The following LZTS1 variants were observed in gnomAD, a reference collection of about 807,000 sequenced individuals.
LZTS1 encodes leucine zipper tumor suppressor 1.
Under a neutral mutation model 45.8 loss-of-function variants are expected in LZTS1, and 31 were observed. The ratio of observed to expected loss-of-function variants is 0.68; its 90% CI spans 0.51 to 0.91. The LOEUF is 0.91. LZTS1 is among the 40% of genes least tolerant of loss of function. The pLI, the probability that LZTS1 is intolerant of heterozygous loss-of-function variation, is 0.00. For synonymous variants in LZTS1, 359 were observed against 357.3 expected, an observed-to-expected ratio of 1.00 and a Z score of -0.05; for missense variants, 821 against 788.9, an observed-to-expected ratio of 1.04 and a Z score of -0.49.
intron 1 of LZTS1, chr8:20,290,067 ACT>A (rs1800873583): frequency 6.6e-6 from 1 of 151,954 alleles, no homozygotes; most frequent in South Asian, 2.1e-4. Context: ...CAAGTAACAA[ACT>A]CAGCATCCCC....
rs528137556 is a variant in LZTS1 at position 20,250,034 on chromosome 8, G to C, written c.1479C>G (p.Phe493Leu). 3 of 1,610,234 alleles carry C rather than the reference G, an allele frequency of 1.9e-6. No homozygotes were observed. The Middle Eastern group carries it at 5.0e-4, about 267-fold the overall frequency. The change falls in exon 4 of 4, where the codon TTC becomes TTG. Residue 493 changes from phenylalanine to leucine, a missense_variant. Coordinates refer to ENST00000381569, the MANE Select transcript of LZTS1 (RefSeq NM_021020.5). ...ALARDMGPPTFPEDVPALQRE... is the reference protein window; with the variant it reads ...ALARDMGPPTLPEDVPALQRE... ...GCTGCAGGGCAGGGACGTCCTCGGG[G>C]AAGGTGGGCGGCCCCATGTCGCGGG...
At chr8:20,250,409 T>G in intron 3 of LZTS1, 46 bp from the exon 4 acceptor site, 1 of 1,519,486 alleles carries the variant, frequency 6.6e-7, no homozygotes, top group South Asian at 1.3e-5. Context: ...GTGAGTGTCC[T>G]TACCCAGGGA....
rs527759585 is a variant in LZTS1, at chr8:20,251,098, A to AATATATAT, written c.1150-743_1150-736dup. On this transcript the variant is annotated intron_variant, in intron 3 of 3. Coordinates refer to ENST00000381569, the MANE Select transcript of LZTS1 (RefSeq NM_021020.5). ...TGGTGAAGTGACCAGCCTGAGGGCT[A>AATATATAT]ATATATATATATATATATATATATA... Among the ~76,000 whole-genome samples the AATATATAT allele has an allele frequency of 2.3e-3, 95 of 41,240 alleles. 2 individuals are homozygous for AATATATAT. The highest frequency in any genetic ancestry group is 3.6e-3 in the Non-Finnish European group (64 of 17,550). The allele number at this position is 41,240 out of a possible 152,430, so 27.1% of individuals were successfully genotyped here.
Position 20,252,962 on chromosome 8 carries a change from C to G in LZTS1, c.969G>C (p.Lys323Asn). The G allele has an allele frequency of 4.4e-6, 7 of 1,590,198 alleles. No individual in the cohort carries two copies. The highest frequency in any genetic ancestry group is 6.0e-6 in the Non-Finnish European group (7 of 1,168,842). Residue 323 changes from lysine to asparagine, a missense_variant, in exon 3 of 4, where the codon AAG becomes AAC. By Grantham distance (94) the Lys-to-Asn change is moderately conservative. Transcript: ENST00000381569. ...GGNKLKQASQ[K>N]SQRAQQVLHL... ...GCAGGACCTGCTGCGCGCGCTGGCT[C>G]TTCTGCGAGGCCTGCTTGAGCTTGT...
Position 20,253,046 on chromosome 8 carries a change from G to T in LZTS1, c.885C>A (p.Tyr295Ter). ...EEKELASSLAYEERPRRCRDE... is the reference protein window; with the variant it reads ...EEKELASSLA The stretch of plus-strand genomic sequence containing the variant: ...CCCTGCAGCGCCGCGGCCGCTCCTC[G>T]TAGGCCAGGCTGGAGGCAAGCTCCT... The change falls in exon 3 of 4, where the codon TAC (tyrosine) becomes TAA (stop). Residue 295 changes from tyrosine to a stop codon, truncating the protein, a stop_gained. Coordinates refer to ENST00000381569, the MANE Select transcript of LZTS1 (RefSeq NM_021020.5). LOFTEE classifies it high-confidence loss of function. The T allele has an allele frequency of 6.2e-7, 1 of 1,605,358 alleles. No individual in the cohort carries two copies. Among genetic ancestry groups the T allele is most frequent in the Non-Finnish European group, 8.5e-7 (1 of 1,177,634 alleles).
At chr8:20,295,150 G>A (rs1800960230) in intron 1 of LZTS1, among the ~76,000 whole-genome samples, 1 of 152,116 alleles carries the variant, frequency 6.6e-6, no homozygotes, top group African/African-American at 2.4e-5. Flanking sequence ...CGCTGTCACT[G>A]CTGCCCGATG....
intron 1 of LZTS1, among the ~76,000 whole-genome samples, chr8:20,259,070 C>T (rs952596832): frequency 1.3e-5 from 2 of 152,230 alleles, no homozygotes; most frequent in African/African-American, 4.8e-5. Flanking sequence ...AAAGACCCTC[C>T]CGTGCTCTGC....
rs765403367 is a variant in LZTS1 at position 20,255,054 on chromosome 8, C to G, written c.128G>C (p.Arg43Thr). The G allele has an allele frequency of 4.3e-6, 7 of 1,614,100 alleles. No homozygotes were observed. Among genetic ancestry groups the G allele is most frequent in the African/African-American group, 1.3e-5 (1 of 74,934 alleles). Residue 43 changes from arginine (R) to threonine (T), a missense_variant, in exon 2 of 4, where the codon AGG (arginine) becomes ACG (threonine). Arg to Thr is a moderately conservative substitution (Grantham distance 71, BLOSUM62 -1). Transcript: ENST00000381569. ...KLNRYSDGLL[R>T]FGFSQDSGHG... ...ACCGGAGTCCTGGGAGAAGCCAAACCTCAGCAGCCCGTCGGAATACCGGTT... is the reference window on the plus strand; with the variant it reads ...ACCGGAGTCCTGGGAGAAGCCAAACGTCAGCAGCCCGTCGGAATACCGGTT...
intron 1 of LZTS1, among the ~76,000 whole-genome samples, chr8:20,281,298 G>A (rs544924496): frequency 7.2e-5 from 11 of 151,988 alleles, no homozygotes; most frequent in African/African-American, 2.7e-4. Context: ...GGTGGCTCAC[G>A]CCTGTAATCC....
At chr8:20,271,923 G>T (rs1297345391) in intron 1 of LZTS1, among the ~76,000 whole-genome samples, 2 of 152,208 alleles carry the variant, frequency 1.3e-5, no homozygotes, top group African/African-American at 4.8e-5. Flanking sequence ...GCCGCAGCTG[G>T]GGGTCACCTC....
intron 1 of LZTS1, among the ~76,000 whole-genome samples, chr8:20,275,027 G>C (rs1449787173): frequency 6.7e-6 from 1 of 149,162 alleles, no homozygotes; most frequent in Admixed American, 6.6e-5. Context: ...TCGCTTCCTG[G>C]AGGGAAGTCT....
At chr8:20,299,848 C>G (rs574791383) in intron 1 of LZTS1, among the ~76,000 whole-genome samples, 1 of 152,324 alleles carries the variant, frequency 6.6e-6, no homozygotes, top group East Asian at 1.9e-4. Flanking sequence ...AAGATCTATT[C>G]AACAGCAAAC....
chr8:20,271,109 A>G (rs1489941756), intron 1 of LZTS1, among the ~76,000 whole-genome samples: 1 of 152,166 alleles, frequency 6.6e-6, no homozygotes, highest in African/African-American at 2.4e-5. Flanking sequence ...CAAGCCAGGA[A>G]GCCTGTGGCC....
rs769177626 is a variant in LZTS1 at position 20,249,766 on chromosome 8, C to T, written c.1747G>A (p.Gly583Arg). 29 of 1,612,900 alleles carry T rather than the reference C, an allele frequency of 1.8e-5. No individual in the cohort carries two copies. Among genetic ancestry groups the T allele is most frequent in the Non-Finnish European group, 1.9e-5 (22 of 1,179,942 alleles). Reference protein sequence around the residue: ...AGEPLEVDLEGADIPYEDIIA... With the variant: ...AGEPLEVDLERADIPYEDIIA... ...ATGTCCTCGTAGGGGATGTCAGCCC[C>T]TTCCAGGTCAACCTCCAAGGGCTCC... The change falls in exon 4 of 4, where the codon GGG (glycine) becomes AGG (arginine). Residue 583 changes from glycine to arginine, a missense_variant. Coordinates refer to ENST00000381569, the MANE Select transcript of LZTS1 (RefSeq NM_021020.5).
chr8:20,292,032 C>T (rs935670988), intron 1 of LZTS1, among the ~76,000 whole-genome samples: 2 of 152,250 alleles, frequency 1.3e-5, no homozygotes, highest in Non-Finnish European at 2.9e-5. Flanking sequence ...GAGGAAGGCC[C>T]TGCCCCCAGG....
chr8:20,296,435 C>G (rs1287750445), intron 1 of LZTS1, among the ~76,000 whole-genome samples: 2 of 152,216 alleles, frequency 1.3e-5, no homozygotes, highest in Non-Finnish European at 2.9e-5. Context: ...GGATCTGTAA[C>G]TCTAATGGGT....
intron 1 of LZTS1, among the ~76,000 whole-genome samples, chr8:20,264,513 C>G (rs1800308613): frequency 6.6e-6 from 1 of 152,154 alleles, no homozygotes; most frequent in Non-Finnish European, 1.5e-5. Context: ...CCCTGAGTCA[C>G]AGTTGGCTGT....
chr8:20,266,933 C>G (rs1800369558), intron 1 of LZTS1, among the ~76,000 whole-genome samples: 1 of 151,776 alleles, frequency 6.6e-6, no homozygotes, highest in Admixed American at 6.6e-5. Context: ...CATGGTGAAA[C>G]CCTGTCTCTA....
chr8:20,267,904 A>C (rs568193487), intron 1 of LZTS1, among the ~76,000 whole-genome samples: 1 of 152,274 alleles, frequency 6.6e-6, no homozygotes, highest in South Asian at 2.1e-4. Flanking sequence ...CTGTATCATC[A>C]GGCATACAAT....
Sources: allele counts gnomAD v4.1 joint callset (sites outside exome capture counted in the v4.1 genomes callset), GRCh38; gene constraint gnomAD v4.1.1; transcripts MANE v1.5; gene names NCBI Gene and HGNC (gene_info 2026-07-23, HGNC 2026-07-21).